The following SSBP3 variants were observed in gnomAD, a reference collection of about 807,000 sequenced individuals.
SSBP3 encodes single stranded DNA binding protein 3.
In SSBP3, 5 loss-of-function variants were observed where a neutral mutation model predicts 69.6. That is an observed-to-expected ratio of 0.07 (90% CI 0.04 to 0.15). The LOEUF (loss-of-function observed/expected upper bound fraction) is 0.15. Ranked by LOEUF, SSBP3 falls within the 10% of genes least tolerant of loss-of-function variation. The probability of loss-of-function intolerance (pLI) is 1.00; values close to 1 mark genes in which losing one functional copy is unlikely to be tolerated. For synonymous variants in SSBP3, 196 were observed against 193.4 expected (o/e 1.01, Z -0.11); for missense variants, 312 against 534.0 (o/e 0.58, Z 4.10).
At chr1:54,403,758 G>C (rs1162157339) in intron 3 of SSBP3, among the ~76,000 whole-genome samples, 3 of 152,152 alleles carry the variant, frequency 2.0e-5, no homozygotes, top group Non-Finnish European at 1.5e-5. Flanking sequence ...TTTTTCAAAA[G>C]GATGTCAAAG....
chr1:54,376,658 T>C (rs1341005364), intron 4 of SSBP3, among the ~76,000 whole-genome samples: 1 of 152,244 alleles, frequency 6.6e-6, no homozygotes, highest in Non-Finnish European at 1.5e-5. Context: ...CTTCATGAGA[T>C]AGACTTTTGA....
intron 4 of SSBP3, among the ~76,000 whole-genome samples, chr1:54,389,458 C>G (rs1648327478): frequency 6.6e-6 from 1 of 152,094 alleles, no homozygotes; most frequent in African/African-American, 2.4e-5. Context: ...GAGCCCAGGC[C>G]AGGCTTCAGC....
intron 4 of SSBP3, among the ~76,000 whole-genome samples, chr1:54,298,015 G>T (rs1302821974): frequency 6.6e-6 from 1 of 152,164 alleles, no homozygotes; most frequent in East Asian, 1.9e-4. Context: ...GGCTGGGCCA[G>T]ATGCGCAGGC....
At chr1:54,284,717 C>T (rs575764405) in intron 4 of SSBP3, among the ~76,000 whole-genome samples, 1 of 152,258 alleles carries the variant, frequency 6.6e-6, no homozygotes, top group Non-Finnish European at 1.5e-5. Flanking sequence ...AATCCTGCCA[C>T]CTCAGCCCCC....
chr1:54,332,807 G>C (rs1646440820), intron 4 of SSBP3, among the ~76,000 whole-genome samples: 1 of 152,210 alleles, frequency 6.6e-6, no homozygotes, highest in Non-Finnish European at 1.5e-5. Context: ...CCCTGAGAGG[G>C]CGTCAAGCGC....
At chr1:54,324,699 G>A (rs1646270450) in intron 4 of SSBP3, among the ~76,000 whole-genome samples, 1 of 152,214 alleles carries the variant, frequency 6.6e-6, no homozygotes, top group Non-Finnish European at 1.5e-5. Flanking sequence ...GTAGATTAAT[G>A]GCAGGGAGTT....
At chr1:54,267,389 G>A (rs957539658) in intron 5 of SSBP3, among the ~76,000 whole-genome samples, 7 of 152,348 alleles carry the variant, frequency 4.6e-5, no homozygotes, top group Non-Finnish European at 7.3e-5. Context: ...CCGGAGACAC[G>A]TGAACAAGCA....
chr1:54,234,178 TA>T (rs1644444236), intron 14 of SSBP3, among the ~76,000 whole-genome samples: 1 of 151,192 alleles, frequency 6.6e-6, no homozygotes, highest in African/African-American at 2.4e-5. Flanking sequence ...CACCACTCCC[TA>T]ATCTCAAGTA....
intron 5 of SSBP3, among the ~76,000 whole-genome samples, chr1:54,276,819 A>G (rs752647887): frequency 2.6e-5 from 4 of 151,948 alleles, no homozygotes; most frequent in Non-Finnish European, 5.9e-5. Context: ...GTCCTTCAAC[A>G]ATTGCCCGGC....
intron 4 of SSBP3, among the ~76,000 whole-genome samples, chr1:54,301,849 T>C (rs1431442872): frequency 2.0e-5 from 3 of 152,124 alleles, no homozygotes; most frequent in Non-Finnish European, 2.9e-5. Context: ...CCACCCCTGC[T>C]CCCAGGCACC....
At chr1:54,385,843 C>T (rs936443078) in intron 4 of SSBP3, among the ~76,000 whole-genome samples, 5 of 152,156 alleles carry the variant, frequency 3.3e-5, no homozygotes, top group African/African-American at 1.2e-4. Flanking sequence ...TGGATGGGGG[C>T]GCTCTTGTGG....
intron 6 of SSBP3, among the ~76,000 whole-genome samples, chr1:54,257,442 C>A (rs764103227): frequency 6.6e-6 from 1 of 152,108 alleles, no homozygotes; most frequent in Non-Finnish European, 1.5e-5. Context: ...GCGGCTGGGA[C>A]TTTGCATAAG....
At chr1:54,254,802 G>A in intron 7 of SSBP3, among the ~76,000 whole-genome samples, 1 of 152,126 alleles carries the variant, frequency 6.6e-6, no homozygotes, top group East Asian at 1.9e-4. Flanking sequence ...ACAGGAAACT[G>A]GAAAACCAGT....
intron 14 of SSBP3, chr1:54,238,570 G>A (rs372068398): frequency 1.5e-4 from 51 of 342,270 alleles, no homozygotes; most frequent in Non-Finnish European, 2.2e-4. Flanking sequence ...GGAGGAAGTG[G>A]GGCAAGCAGT....
At chr1:54,405,743 G>A (rs1649691663) in intron 1 of SSBP3, among the ~76,000 whole-genome samples, 1 of 130,708 alleles carries the variant, frequency 7.7e-6, no homozygotes. Flanking sequence ...CCCCTTCCCC[G>A]ATCCCCCAAC....
chr1:54,244,549 T>C (rs1014261688), intron 9 of SSBP3, among the ~76,000 whole-genome samples: 5 of 152,176 alleles, frequency 3.3e-5, no homozygotes. Context: ...GCCCAGCCAA[T>C]GTTTGAGAGA....
intron 5 of SSBP3, among the ~76,000 whole-genome samples, chr1:54,276,939 T>C (rs1382795995): frequency 6.6e-6 from 1 of 151,998 alleles, no homozygotes; most frequent in Non-Finnish European, 1.5e-5. Context: ...TTTCTCAGCT[T>C]GGCAGACAGG....
intron 4 of SSBP3, among the ~76,000 whole-genome samples, chr1:54,323,802 G>A (rs1361421255): frequency 6.6e-6 from 1 of 152,178 alleles, no homozygotes; most frequent in East Asian, 1.9e-4. Context: ...AGGCTGCAAA[G>A]ACTGGGTTGT....
intron 4 of SSBP3, among the ~76,000 whole-genome samples, chr1:54,319,050 C>G (rs1371099057): frequency 6.6e-6 from 1 of 152,160 alleles, no homozygotes; most frequent in Non-Finnish European, 1.5e-5. Flanking sequence ...CACACCACAC[C>G]AGCTGCAGCA....
Sources: allele counts gnomAD v4.1 joint callset (sites outside exome capture counted in the v4.1 genomes callset), GRCh38; gene constraint gnomAD v4.1.1; transcripts MANE v1.5; gene names NCBI Gene and HGNC (gene_info 2026-07-23, HGNC 2026-07-21).